Variants in PUDP observed in about 807,000 individuals in gnomAD.
PUDP encodes pseudouridine 5'-phosphatase.
Under a neutral mutation model 9.4 loss-of-function variants are expected in PUDP, and 8 were observed. The observed-to-expected ratio is 0.85, with a 90% CI of 0.50 to 1.53. The LOEUF (loss-of-function observed/expected upper bound fraction) is 1.53. Among genes scored for constraint, PUDP ranks in the 40% most tolerant of loss-of-function variants. PUDP has a pLI of 0.00. For synonymous variants in PUDP, 99 were observed against 80.7 expected (o/e 1.23, Z -1.22); for missense variants, 188 against 189.7 (o/e 0.99, Z 0.05).
At chrX:6,933,421 G>A (rs1363401513) in intron 3 of PUDP, among the ~76,000 whole-genome samples, 1 of 111,198 alleles carries the variant, frequency 9.0e-6, no homozygotes, top group Non-Finnish European at 1.9e-5. Context: ...TGCAGCTGAG[G>A]GTCCTGTCTG....
chrX:6,849,883 T>C (rs770351418), intron 3 of PUDP, among the ~76,000 whole-genome samples: 8 of 112,445 alleles, frequency 7.1e-5, no homozygotes, highest in Non-Finnish European at 1.5e-4. Context: ...TTCCTGACTG[T>C]GAGCTTACAT....
intron 3 of PUDP, among the ~76,000 whole-genome samples, chrX:6,844,882 A>G (rs1926722076): frequency 8.9e-6 from 1 of 112,325 alleles, no homozygotes; most frequent in Admixed American, 9.4e-5. Flanking sequence ...CTAGTCCCAG[A>G]GTCTGAAAGC....
intron 3 of PUDP, among the ~76,000 whole-genome samples, chrX:6,790,215 G>T (rs1046016797): frequency 9.0e-6 from 1 of 111,395 alleles, no homozygotes; most frequent in Non-Finnish European, 1.9e-5. Context: ...TACATAGATG[G>T]ATAGAATGAT....
intron 3 of PUDP, among the ~76,000 whole-genome samples, chrX:6,904,189 T>G (rs944796048): frequency 9.1e-6 from 1 of 110,301 alleles, no homozygotes; most frequent in African/African-American, 3.3e-5. Flanking sequence ...TGGCCTCAGG[T>G]GATCCATCCG....
intron 3 of PUDP, among the ~76,000 whole-genome samples, chrX:6,850,100 G>C (rs1330349703): frequency 9.1e-6 from 1 of 109,701 alleles, no homozygotes; most frequent in Non-Finnish European, 1.9e-5. Flanking sequence ...TCTAGAAGGG[G>C]CAAGACATAA....
At chrX:6,910,151 C>T (rs1433551140) in intron 3 of PUDP, among the ~76,000 whole-genome samples, 1 of 112,134 alleles carries the variant, frequency 8.9e-6, no homozygotes, top group Admixed American at 9.5e-5. Context: ...GTGCCCTGAG[C>T]TTATCAGACA....
At chrX:6,876,639 A>ATATGTGTGTG (rs749582262) in intron 3 of PUDP, among the ~76,000 whole-genome samples, 3,077 of 92,763 alleles carry the variant, frequency 0.033, 134 homozygotes, top group East Asian at 0.26. Flanking sequence ...CTAAAATGTT[A>ATATGTGTGTG]TGTGTGTGTG....
intron 1 of PUDP, among the ~76,000 whole-genome samples, chrX:7,015,620 G>A (rs918442785): frequency 1.8e-5 from 2 of 111,282 alleles, no homozygotes; most frequent in African/African-American, 6.5e-5. Flanking sequence ...TGTCACCCAG[G>A]GTAAAGTGCA....
At chrX:6,822,667 C>T (rs934343843) in intron 3 of PUDP, among the ~76,000 whole-genome samples, 48 of 106,916 alleles carry the variant, frequency 4.5e-4, no homozygotes, top group Non-Finnish European at 8.1e-4. Context: ...CCTCGTGATC[C>T]ACCCGCCTCG....
chrX:7,106,391 C>T (rs1931883553), intron 1 of PUDP, among the ~76,000 whole-genome samples: 1 of 112,211 alleles, frequency 8.9e-6, no homozygotes, highest in Non-Finnish European at 1.9e-5. Flanking sequence ...GAATTAACTC[C>T]CGGCTCGGCA....
intron 3 of PUDP, among the ~76,000 whole-genome samples, chrX:6,780,926 A>G (rs1468744470): frequency 9.0e-6 from 1 of 110,785 alleles, no homozygotes; most frequent in East Asian, 2.8e-4. Context: ...GTGTGGTGGC[A>G]CACACCTGTA....
chrX:7,124,131 T>C (rs1384608767), intron 1 of PUDP, among the ~76,000 whole-genome samples: 1 of 112,305 alleles, frequency 8.9e-6, no homozygotes, highest in Non-Finnish European at 1.9e-5. Flanking sequence ...TTATCCAGAA[T>C]AGGCCATATG....
At position 6,964,218 on chromosome X, in the gene PUDP, T is replaced by C. The variant is rs763756298; in HGVS notation, c.*247+12915A>G. On this transcript the variant is annotated intron_variant and NMD_transcript_variant, in intron 3 of 3. Coordinates refer to the PUDP transcript ENST00000655425. The stretch of plus-strand genomic sequence containing the variant: ...AAAACCTCTTTCAATTGAAATAGCA[T>C]CAGCATATGTCTTATTTTCTGGAAA... 2.2e-4 allele frequency among the ~76,000 whole-genome samples: 25 copies of C among 112,578 alleles called. No individual in the cohort carries two copies. In the South Asian group the frequency reaches 9.2e-3, roughly 41 times the overall value.
chrX:6,836,976 G>A (rs1281931336), intron 3 of PUDP, among the ~76,000 whole-genome samples: 1 of 112,181 alleles, frequency 8.9e-6, no homozygotes, highest in Non-Finnish European at 1.9e-5. Context: ...GAGATAGTGG[G>A]GTAGTATGCA....
chrX:7,044,596 T>C (rs1425378400), downstream of PUDP, among the ~76,000 whole-genome samples: 4 of 112,165 alleles, frequency 3.6e-5, no homozygotes, highest in African/African-American at 1.3e-4. Flanking sequence ...TGTGCCCCAG[T>C]TTCCTCAGAC....
At chrX:7,021,087 G>A (rs1045847657) in intron 1 of PUDP, among the ~76,000 whole-genome samples, 1 of 112,717 alleles carries the variant, frequency 8.9e-6, no homozygotes, top group Non-Finnish European at 1.9e-5. Context: ...CATGAAGACA[G>A]AGGAATGCTT....
At chrX:6,850,746 T>C (rs1317462697) in intron 3 of PUDP, among the ~76,000 whole-genome samples, 3 of 112,545 alleles carry the variant, frequency 2.7e-5, no homozygotes, top group Admixed American at 1.9e-4. Flanking sequence ...TGTATAGCCA[T>C]GCACATTTGC....
intron 3 of PUDP, among the ~76,000 whole-genome samples, chrX:6,803,943 T>C (rs773883521): frequency 9.0e-6 from 1 of 110,894 alleles, no homozygotes; most frequent in Admixed American, 9.6e-5. Flanking sequence ...GGCCAACATA[T>C]GGTAATTTAA....
chrX:6,830,754 T>C (rs1372224696), intron 3 of PUDP, among the ~76,000 whole-genome samples: 1 of 112,067 alleles, frequency 8.9e-6, no homozygotes, highest in Admixed American at 9.5e-5. Context: ...CAAAATAAAG[T>C]AGATGCCAAA....
Sources: allele counts gnomAD v4.1 joint callset (sites outside exome capture counted in the v4.1 genomes callset), GRCh38; gene constraint gnomAD v4.1.1; transcripts MANE v1.5; gene names NCBI Gene and HGNC (gene_info 2026-07-23, HGNC 2026-07-21).